The following GABBR1 variants were observed in gnomAD, a reference collection of about 807,000 sequenced individuals.
GABBR1 encodes gamma-aminobutyric acid type B receptor subunit 1.
A neutral mutation model predicts 117.7 loss-of-function variants in GABBR1; 35 were observed. The ratio of observed to expected loss-of-function variants is 0.30; its 90% confidence interval spans 0.23 to 0.39. The LOEUF is 0.39. GABBR1 is among the 10% of genes least tolerant of loss of function. The pLI, the probability that GABBR1 is intolerant of heterozygous loss-of-function variation, is 1.00. For synonymous variants in GABBR1, 442 were observed against 486.6 expected, an observed-to-expected ratio of 0.91 and a Z score of 1.21; for missense variants, 709 against 1,241.8, an observed-to-expected ratio of 0.57 and a Z score of 6.45.
At chr6:29,616,652 T>C (rs1372038370) in intron 11 of GABBR1, among the ~76,000 whole-genome samples, 1 of 151,046 alleles carries the variant, frequency 6.6e-6, no homozygotes, top group Non-Finnish European at 1.5e-5. Context: ...ACCATTGTGC[T>C]CCAGCCTAGG....
rs1761793844 is a variant in GABBR1, at chr6:29,604,914, A to G, written c.2514T>C (p.Ser838=). 6.2e-7 allele frequency: 1 copy of G among 1,613,074 alleles called. No homozygotes were observed. The highest frequency in any genetic ancestry group is 1.7e-5 in the Admixed American group (1 of 60,002). ...SQQDAAFAFA[S]LAIVFSSYIT... Reference sequence around the variant, plus strand: ...TATAGGAGGAGAAAACTATGGCAAGAGAGGCAAAGGCAAAGGCTGCATCCT... The same window carrying G: ...TATAGGAGGAGAAAACTATGGCAAGGGAGGCAAAGGCAAAGGCTGCATCCT... Residue 838 remains serine, a synonymous_variant, in exon 21 of 23, where the codon TCT becomes TCC. Transcript: ENST00000377034. This position sits in a 1 kb window ranked among gnomAD's most constrained non-coding sequence, Gnocchi z 5.3.
In GABBR1 at chr6:29,606,672, TG is replaced by T; in HGVS notation, c.2218-189del. Reference sequence around the variant, plus strand: ...CTTGTTCCCCACTTTCCCTGATGCCTGGAAGTTCTACACACCCTTCCCAGAT... The same window carrying T: ...CTTGTTCCCCACTTTCCCTGATGCCTGAAGTTCTACACACCCTTCCCAGAT... On this transcript the variant is annotated intron_variant, in intron 18 of 22. Transcript: ENST00000377034. This position sits in a 1 kb window ranked among gnomAD's most constrained non-coding sequence, Gnocchi z 4.5. 1.6e-6 allele frequency: 1 copy of T among 636,818 alleles called. No individual in the cohort carries two copies. The allele number at this position is 636,818 out of a possible 1,614,324, so 39.4% of individuals were successfully genotyped here.
At position 29,630,691 on chromosome 6, in the gene GABBR1, C is replaced by G. The variant is rs1274138308; in HGVS notation, c.290-48G>C. The G allele has an allele frequency of 2.6e-6, 4 of 1,544,758 alleles. No homozygotes were observed. The highest frequency in any genetic ancestry group is 3.6e-6 in the Non-Finnish European group (4 of 1,126,722). On this transcript the variant is annotated intron_variant, in intron 3 of 22. Coordinates refer to ENST00000377034, the MANE Select transcript of GABBR1 (RefSeq NM_001470.4). The surrounding 1 kb of genome is among the most constrained non-coding windows in gnomAD (Gnocchi z 4.9). The stretch of plus-strand genomic sequence containing the variant: ...GAAGAGAGGCGAGTTGAAGAAGGCT[C>G]TTTCCCTTTAAAGAGCAGGGGACTC...
Position 29,609,984 on chromosome 6 carries a change from A to C in GABBR1, c.1709-605T>G, listed in dbSNP as rs1762372372. ...GAGTTCACCAAAAAAAACTAATTTC[A>C]ATTTGCTTAGTTTTTTTTTTAAAGA... is the stretch of plus-strand genomic sequence containing the variant. On this transcript the variant is annotated intron_variant, in intron 14 of 22. Transcript: ENST00000377034. This position sits in a 1 kb window ranked among gnomAD's most constrained non-coding sequence, Gnocchi z 4.3. Among the ~76,000 whole-genome samples, 1 of 151,790 alleles carries C rather than the reference A, an allele frequency of 6.6e-6. No homozygotes were observed. Among genetic ancestry groups the C allele is most frequent in the South Asian group, 2.1e-4 (1 of 4,820 alleles).
Position 29,615,608 on chromosome 6 carries a change from T to TAAAAAAA in GABBR1, c.1324-2124_1324-2123insTTTTTTT, listed in dbSNP as rs767969781. On this transcript the variant is annotated intron_variant, in intron 11 of 22. Coordinates refer to ENST00000377034, the MANE Select transcript of GABBR1 (RefSeq NM_001470.4). ...TGGGCGATGGAGTGAGACTCTGCCTTTAAAAAAAAAAAAAAAAAAAGGCAG... is the reference window on the plus strand; with the variant it reads ...TGGGCGATGGAGTGAGACTCTGCCTTAAAAAAATAAAAAAAAAAAAAAAAAAAGGCAG... 8.6e-4 allele frequency among the ~76,000 whole-genome samples: 109 copies of TAAAAAAA among 127,036 alleles called. 1 individual carries two copies. Among genetic ancestry groups the TAAAAAAA allele is most frequent in the African/African-American group, 1.6e-3 (54 of 33,850 alleles). The allele number at this position is 127,036 out of a possible 152,430, so 83.3% of individuals were successfully genotyped here. A position where few individuals can be genotyped will look rare whatever the true frequency, so the allele number is the denominator to read the frequency against.
intron 16 of GABBR1, 102 bp downstream of exon 16, chr6:29,608,499 A>G (rs1365955922): frequency 8.0e-7 from 1 of 1,252,244 alleles, no homozygotes; most frequent in African/African-American, 1.5e-5. Flanking sequence ...AGAGTCAGGG[A>G]AAGCTGAGGA....
At position 29,621,805 on chromosome 6, in the gene GABBR1, G is replaced by A. The variant is rs1322563847; in HGVS notation, c.1078C>T (p.Arg360Ter). Residue 360 changes from arginine (R) to a stop codon, truncating the protein, a stop_gained, in exon 10 of 23, where the codon CGA (arginine) becomes TGA (stop). Coordinates refer to ENST00000377034, the MANE Select transcript of GABBR1 (RefSeq NM_001470.4). LOFTEE classifies it high-confidence loss of function. The surrounding 1 kb of genome is among the most constrained non-coding windows in gnomAD (Gnocchi z 5.0). Reference protein sequence around the residue: ...PVKNLKRQDARIIVGLFYETE... With the variant: ...PVKNLKRQDA Reference sequence around the variant, plus strand: ...TCATAGAAAAGTCCCACGATGATTCGGGCATCCTGGCGCTACAACAGAGAA... The same window carrying A: ...TCATAGAAAAGTCCCACGATGATTCAGGCATCCTGGCGCTACAACAGAGAA... 1 of 1,613,984 alleles carries A rather than the reference G, an allele frequency of 6.2e-7. No homozygotes were observed. The highest frequency in any genetic ancestry group is 8.5e-7 in the Non-Finnish European group (1 of 1,180,028).
At chr6:29,616,156 G>A (rs563286135) in intron 11 of GABBR1, among the ~76,000 whole-genome samples, 13 of 148,622 alleles carry the variant, frequency 8.7e-5, no homozygotes, top group Admixed American at 6.7e-4. Flanking sequence ...AGCCAAGATC[G>A]CGCCATTGCA....
In GABBR1 at chr6:29,627,209, AACCCCG is replaced by A. The variant is rs1764359612; in HGVS notation, c.657+271_657+276del. Among the ~76,000 whole-genome samples the A allele has an allele frequency of 6.6e-6, 1 of 152,052 alleles. No homozygotes were observed. Among genetic ancestry groups the A allele is most frequent in the Non-Finnish European group, 1.5e-5 (1 of 68,012 alleles). The stretch of plus-strand genomic sequence containing the variant: ...CTTAAATCCACCACCAGTTTCTCCA[AACCCCG>A]ACACTTCTGCGAGACTCCCGCAGCG... On this transcript the variant is annotated intron_variant, in intron 6 of 22. Coordinates refer to ENST00000377034, the MANE Select transcript of GABBR1 (RefSeq NM_001470.4). This position sits in a 1 kb window ranked among gnomAD's most constrained non-coding sequence, Gnocchi z 4.4.
intron 11 of GABBR1, among the ~76,000 whole-genome samples, chr6:29,617,304 T>TC (rs199626959): frequency 0.03 from 3,585 of 119,118 alleles, 58 homozygotes; most frequent in African/African-American, 0.076. Flanking sequence ...TTTCTTTCTT[T>TC]TTTTTTTTTT....
intron 13 of GABBR1, 25 bp downstream of exon 13, chr6:29,612,526 G>T: frequency 1.2e-6 from 2 of 1,608,300 alleles, no homozygotes; most frequent in Non-Finnish European, 1.7e-6. Flanking sequence ...CCCCATGTCC[G>T]GTCCCCTCCT....
chr6:29,627,293 C>G lies in GABBR1; in HGVS notation c.657+193G>C, dbSNP rs1197995390. Among the ~76,000 whole-genome samples, 1 of 152,200 alleles carries G rather than the reference C, an allele frequency of 6.6e-6. No homozygotes were observed. Among genetic ancestry groups the G allele is most frequent in the Non-Finnish European group, 1.5e-5 (1 of 68,034 alleles). On this transcript the variant is annotated intron_variant, in intron 6 of 22. Transcript: ENST00000377034. This position sits in a 1 kb window ranked among gnomAD's most constrained non-coding sequence, Gnocchi z 4.4. Reference sequence around the variant, plus strand: ...CTTAACCATCTTGAGCCCCTAGACCCTCATCTTGGACCTCCAGCCCCTGCG... The same window carrying G: ...CTTAACCATCTTGAGCCCCTAGACCGTCATCTTGGACCTCCAGCCCCTGCG...
chr6:29,622,016 G>T lies in GABBR1; in HGVS notation c.1065+88C>A. On this transcript the variant is annotated intron_variant, in intron 9 of 22. Coordinates refer to ENST00000377034, the MANE Select transcript of GABBR1 (RefSeq NM_001470.4). This position sits in a 1 kb window ranked among gnomAD's most constrained non-coding sequence, Gnocchi z 4.6. The stretch of plus-strand genomic sequence containing the variant: ...CTATTGCCTCAGAGAATCAAAACCT[G>T]CCCCCGCCTGGCTTTCCTCTCCAAC... The T allele has an allele frequency of 8.1e-7, 1 of 1,236,490 alleles. No homozygotes were observed. The highest frequency in any genetic ancestry group is 1.2e-6 in the Non-Finnish European group (1 of 848,214). 76.6% of individuals were successfully genotyped at this position (1,236,490 alleles called of 1,614,324 possible).
rs1375500825 is a variant in GABBR1, at chr6:29,632,762, C to A, written c.-1+88G>T. On this transcript the variant is annotated intron_variant, in intron 1 of 22. Coordinates refer to ENST00000377034, the MANE Select transcript of GABBR1 (RefSeq NM_001470.4). This position sits in a 1 kb window ranked among gnomAD's most constrained non-coding sequence, Gnocchi z 5.8. Reference sequence around the variant, plus strand: ...TCCTCTCCCCCAGCCCCGCTTCCCCCAGCTGGGCCCTGCGCCCACTGCCCC... The same window carrying A: ...TCCTCTCCCCCAGCCCCGCTTCCCCAAGCTGGGCCCTGCGCCCACTGCCCC... The A allele has an allele frequency of 5.4e-6, 6 of 1,111,652 alleles. No individual in the cohort carries two copies. The highest frequency in any genetic ancestry group is 6.9e-6 in the Non-Finnish European group (6 of 867,046). The allele number at this position is 1,111,652 out of a possible 1,614,324, so 68.9% of individuals were successfully genotyped here.
At position 29,606,876 on chromosome 6, in the gene GABBR1, G is replaced by T; in HGVS notation, c.2217+21C>A. On this transcript the variant is annotated intron_variant, in intron 18 of 22. Coordinates refer to ENST00000377034, the MANE Select transcript of GABBR1 (RefSeq NM_001470.4). This position sits in a 1 kb window ranked among gnomAD's most constrained non-coding sequence, Gnocchi z 4.5. ...AGCCCTGCTCATTCTCCTGACCATAGCACCTCCTCTCCAGTGGTACCTCAA... is the reference window on the plus strand; with the variant it reads ...AGCCCTGCTCATTCTCCTGACCATATCACCTCCTCTCCAGTGGTACCTCAA... The T allele has an allele frequency of 6.2e-7, 1 of 1,600,560 alleles. No individual in the cohort carries two copies. The highest frequency in any genetic ancestry group is 8.6e-7 in the Non-Finnish European group (1 of 1,167,862).
At position 29,605,451 on chromosome 6, in the gene GABBR1, A is replaced by G; in HGVS notation, c.2439+118T>C. 7.8e-7 allele frequency: 1 copy of G among 1,276,406 alleles called. No homozygotes were observed. The highest frequency in any genetic ancestry group is 1.1e-6 in the Non-Finnish European group (1 of 919,228). The allele number at this position is 1,276,406 out of a possible 1,614,324, so 79.1% of individuals were successfully genotyped here. On this transcript the variant is annotated intron_variant, in intron 20 of 22. Transcript: ENST00000377034. The surrounding 1 kb of genome is among the most constrained non-coding windows in gnomAD (Gnocchi z 4.2). ...TGCTTTATAGACCTGAAGAATTAAC[A>G]AACTTTTTAAGACTTCTAAGCAACC...
chr6:29,624,102 G>GA, intron 6 of GABBR1, 78 bp from the exon 7 acceptor site: 2 of 1,345,172 alleles, frequency 1.5e-6, no homozygotes, highest in Non-Finnish European at 2.0e-6. Context: ...TATCTTTCTC[G>GA]AACAAATTAG....
chr6:29,624,013 G>C lies in GABBR1; in HGVS notation c.669C>G (p.Gly223=). 1 of 1,612,064 alleles carries C rather than the reference G, an allele frequency of 6.2e-7. No individual in the cohort carries two copies. Among genetic ancestry groups the C allele is most frequent in the Non-Finnish European group, 8.5e-7 (1 of 1,179,430 alleles). The change falls in exon 7 of 23, where the codon GGC becomes GGG. Residue 223 remains glycine, a synonymous_variant. Coordinates refer to ENST00000377034, the MANE Select transcript of GABBR1 (RefSeq NM_001470.4). The part of the protein sequence containing the change: ...LIHHDSKCDP[G]QATKYLYELL... ...GCTCATATAGGTACTTGGTGGCTTG[G>C]CCTGGATCACACTGAAAGACAAGAG...
At position 29,612,594 on chromosome 6, in the gene GABBR1, G is replaced by A; in HGVS notation, c.1587C>T (p.Ala529=). The change falls in exon 13 of 23, where the codon GCC becomes GCT. Residue 529 remains alanine, a synonymous_variant. Transcript: ENST00000377034. Reference sequence around the variant, plus strand: ...GCGTCCATGCCATCCGAGAGCCGCTGGCATCAAACACCACATGGCCCTGAG... The same window carrying A: ...GCGTCCATGCCATCCGAGAGCCGCTAGCATCAAACACCACATGGCCCTGAG... ...EGVSGHVVFD[A]SGSRMAWTLI... 6.2e-7 allele frequency: 1 copy of A among 1,614,020 alleles called. No individual in the cohort carries two copies. Among genetic ancestry groups the A allele is most frequent in the Non-Finnish European group, 8.5e-7 (1 of 1,179,984 alleles).
Sources: gnomAD v4.1 joint callset for allele counts (sites outside exome capture counted in the v4.1 genomes callset) on GRCh38, gnomAD v4.1.1 for gene constraint, Gnocchi (gnomAD v3.1) non-coding constraint, MANE v1.5 for transcripts, NCBI Gene and HGNC (gene_info 2026-07-23, HGNC 2026-07-21) for gene names.